The following VSTM4 variants were observed in gnomAD, a reference collection of about 807,000 sequenced individuals.
The protein encoded by VSTM4 is V-set and transmembrane domain-containing protein 4.
VSTM4 carries 20 observed loss-of-function variants against 36.4 expected under a neutral mutation model. That is an observed-to-expected ratio of 0.55 (90% CI 0.39 to 0.80). VSTM4 has a LOEUF of 0.80. VSTM4 is among the 30% of genes least tolerant of loss of function. The probability of loss-of-function intolerance (pLI) is 0.00; values close to 1 mark genes in which losing one functional copy is unlikely to be tolerated. For missense variants in VSTM4, 392 were observed against 404.5 expected, an observed-to-expected ratio of 0.97 and a Z score of 0.26; for synonymous variants, 182 against 173.9, an observed-to-expected ratio of 1.05 and a Z score of -0.37.
At chr10:49,097,141 C>T (rs944110711) in intron 2 of VSTM4, among the ~76,000 whole-genome samples, 9 of 152,194 alleles carry the variant, frequency 5.9e-5, no homozygotes, top group African/African-American at 1.7e-4. Context: ...CCACGGGAAC[C>T]TTAGGACACG....
chr10:49,107,329 G>A (rs2132026497), intron 2 of VSTM4, among the ~76,000 whole-genome samples: 1 of 152,364 alleles, frequency 6.6e-6, no homozygotes, highest in East Asian at 1.9e-4. Context: ...AAGAGGCTTT[G>A]CCCAGAGATT....
intron 3 of VSTM4, among the ~76,000 whole-genome samples, chr10:49,084,211 G>C (rs920025517): frequency 1.3e-5 from 2 of 152,148 alleles, no homozygotes; most frequent in East Asian, 3.9e-4. Flanking sequence ...CAATGAGTAG[G>C]CATTCTCTTA....
chr10:49,082,607 G>A (rs781727002), intron 3 of VSTM4, among the ~76,000 whole-genome samples: 27 of 152,196 alleles, frequency 1.8e-4, no homozygotes, highest in South Asian at 6.2e-4. Flanking sequence ...CCCAGGAGGC[G>A]GAGGTTGCAA....
At chr10:49,066,547 T>C (rs1452859848) in intron 4 of VSTM4, among the ~76,000 whole-genome samples, 4 of 152,190 alleles carry the variant, frequency 2.6e-5, no homozygotes, top group Non-Finnish European at 5.9e-5. Flanking sequence ...CATACTCTGT[T>C]TATATTGAAG....
At chr10:49,068,171 T>G (rs1455915627) in intron 4 of VSTM4, among the ~76,000 whole-genome samples, 1 of 152,124 alleles carries the variant, frequency 6.6e-6, no homozygotes, top group African/African-American at 2.4e-5. Flanking sequence ...TCAGAGACAC[T>G]GGGCAGCTGG....
chr10:49,028,096 C>T (rs1331921524), intron 7 of VSTM4, among the ~76,000 whole-genome samples: 1 of 152,130 alleles, frequency 6.6e-6, no homozygotes, highest in Non-Finnish European at 1.5e-5. Flanking sequence ...TTTCTTTTAG[C>T]CATTGTTCTA....
At chr10:49,034,377 T>G (rs540436599) in intron 7 of VSTM4, among the ~76,000 whole-genome samples, 8 of 152,362 alleles carry the variant, frequency 5.3e-5, no homozygotes, top group Admixed American at 2.0e-4. Context: ...GCCTGATTAT[T>G]TGTTAAATTC....
intron 7 of VSTM4, among the ~76,000 whole-genome samples, chr10:49,023,956 G>C (rs1267411524): frequency 2.0e-5 from 3 of 152,204 alleles, no homozygotes. Context: ...CCCGGACCGA[G>C]TTTTACATTT....
chr10:49,023,124 T>G (rs1470531526), intron 7 of VSTM4, among the ~76,000 whole-genome samples: 1 of 152,234 alleles, frequency 6.6e-6, no homozygotes, highest in African/African-American at 2.4e-5. Context: ...ATGTGTAGAA[T>G]CATTTCCCTT....
At position 49,115,521 on chromosome 10, in the gene VSTM4, G is replaced by GCGC. The variant is rs1844981866; in HGVS notation, c.-37_-36insGCG. 2 of 980,412 alleles carry GCGC rather than the reference G, an allele frequency of 2.0e-6. No homozygotes were observed. The highest frequency in any genetic ancestry group is 5.2e-4 in the Middle Eastern group (1 of 1,918). 60.7% of individuals were successfully genotyped at this position (980,412 alleles called of 1,614,324 possible). The stretch of plus-strand genomic sequence containing the variant: ...CCGCCCGGCGCTGTGACGCGGGAGA[G>GCGC]CGCCGCCGCCTGGCCCGGCCGCCGC... On this transcript the variant is annotated 5_prime_UTR_variant, in exon 1 of 8. Transcript: ENST00000332853.
Position 49,107,697 on chromosome 10 carries a change from C to T in VSTM4, c.354G>A (p.Gln118=), listed in dbSNP as rs1590138664. Reference sequence around the variant, plus strand: ...AGACGTAATGCCCTTGATCGGAGGGCTGCAGTGTCAAGACGGAGAGCCTGT... The same window carrying T: ...AGACGTAATGCCCTTGATCGGAGGGTTGCAGTGTCAAGACGGAGAGCCTGT... ...ALYRLSVLTL[Q]PSDQGHYVCR... The change falls in exon 2 of 8, where the codon CAG becomes CAA. Residue 118 remains glutamine, a synonymous_variant. Transcript: ENST00000332853. The T allele has an allele frequency of 3.1e-6, 5 of 1,614,226 alleles. No individual in the cohort carries two copies. The South Asian group carries it at 3.3e-5, about 11-fold the overall frequency.
chr10:49,091,708 G>C (rs1396813805), intron 2 of VSTM4, among the ~76,000 whole-genome samples: 1 of 152,190 alleles, frequency 6.6e-6, no homozygotes, highest in Non-Finnish European at 1.5e-5. Context: ...ATTCACCAAG[G>C]ACGCTGACAT....
intron 1 of VSTM4, among the ~76,000 whole-genome samples, chr10:49,111,878 CT>C (rs1309677199): frequency 3.3e-5 from 5 of 152,210 alleles, no homozygotes; most frequent in Admixed American, 6.5e-5. Context: ...TGGCAAGATC[CT>C]GATCTAGACT....
chr10:49,096,041 A>G (rs1234045747), intron 2 of VSTM4, among the ~76,000 whole-genome samples: 1 of 152,204 alleles, frequency 6.6e-6, no homozygotes, highest in African/African-American at 2.4e-5. Flanking sequence ...CTGGTTGTCA[A>G]TTTGATTCCT....
At chr10:49,047,114 A>C in intron 6 of VSTM4, 70 bp from the exon 7 acceptor site, 1 of 1,448,892 alleles carries the variant, frequency 6.9e-7, no homozygotes, top group Non-Finnish European at 9.7e-7. Flanking sequence ...CATTATGAGC[A>C]TCAGGGACAT....
intron 3 of VSTM4, among the ~76,000 whole-genome samples, chr10:49,078,773 T>C (rs1232700257): frequency 6.6e-6 from 1 of 152,178 alleles, no homozygotes; most frequent in Non-Finnish European, 1.5e-5. Flanking sequence ...TTTTGCAAAA[T>C]GCTATCATTG....
chr10:49,028,866 T>A (rs1843302736), intron 7 of VSTM4, among the ~76,000 whole-genome samples: 1 of 152,222 alleles, frequency 6.6e-6, no homozygotes, highest in Admixed American at 6.5e-5. Flanking sequence ...TATGTTAACG[T>A]CATCTTAGAG....
rs192575640 is a variant in VSTM4, at chr10:49,102,359, C to G, written c.457+5235G>C. 223 of 967,544 alleles carry G rather than the reference C, an allele frequency of 2.3e-4. No individual in the cohort carries two copies. In the African/African-American group the frequency reaches 3.7e-3, roughly 16 times the overall value. The allele number at this position is 967,544 out of a possible 1,614,324, so 59.9% of individuals were successfully genotyped here. On this transcript the variant is annotated intron_variant, in intron 2 of 7. Coordinates refer to ENST00000332853, the MANE Select transcript of VSTM4 (RefSeq NM_001031746.5). Reference sequence around the variant, plus strand: ...CCATGTTGGCCAGGCTGGTCTTGAACTCTTGACTTCGTGATCCACCCACCT... The same window carrying G: ...CCATGTTGGCCAGGCTGGTCTTGAAGTCTTGACTTCGTGATCCACCCACCT...
At chr10:49,080,109 T>C (rs991413988) in intron 3 of VSTM4, among the ~76,000 whole-genome samples, 13 of 152,264 alleles carry the variant, frequency 8.5e-5, no homozygotes, top group African/African-American at 2.7e-4. Flanking sequence ...TGAGCATTCA[T>C]GAACTTAAAC....
Sources: gnomAD v4.1 joint callset for allele counts (sites outside exome capture counted in the v4.1 genomes callset) on GRCh38, gnomAD v4.1.1 for gene constraint, MANE v1.5 for transcripts, NCBI Gene and HGNC (gene_info 2026-07-23, HGNC 2026-07-21) for gene names.